BMP8A: variants seen among roughly 807,000 people sequenced by gnomAD.
The protein encoded by BMP8A is bone morphogenetic protein 8a.
In BMP8A, 14 loss-of-function variants were observed where a neutral mutation model predicts 36.8. The ratio of observed to expected loss-of-function variants is 0.38; its 90% CI spans 0.25 to 0.60. The LOEUF (loss-of-function observed/expected upper bound fraction) is 0.60, where lower values mean the gene tolerates loss of function less well. Among genes scored for constraint, BMP8A ranks in the 20% least tolerant of loss-of-function variants. BMP8A has a pLI of 0.63. For synonymous variants in BMP8A, 120 were observed against 237.7 expected (o/e 0.50, Z 4.55); for missense variants, 267 against 551.1 (o/e 0.48, Z 5.16).
intron 1 of BMP8A, among the ~76,000 whole-genome samples, chr1:39,494,661 G>C (rs1479876343): frequency 6.6e-6 from 1 of 152,100 alleles, no homozygotes; most frequent in Non-Finnish European, 1.5e-5. Flanking sequence ...GGCCACGTGT[G>C]AACTTTCACA....
intron 1 of BMP8A, among the ~76,000 whole-genome samples, chr1:39,497,264 T>C (rs547531553): frequency 2.6e-5 from 4 of 152,312 alleles, no homozygotes; most frequent in Admixed American, 2.6e-4. Context: ...CGTGTGCCAT[T>C]TGGGAGCTGT....
intron 1 of BMP8A, among the ~76,000 whole-genome samples, chr1:39,504,980 T>C (rs1444849687): frequency 6.6e-6 from 1 of 152,120 alleles, no homozygotes; most frequent in Non-Finnish European, 1.5e-5. Flanking sequence ...AGCAGTATTG[T>C]CGCCAGCATG....
rs1485882173 is a variant in BMP8A, at chr1:39,526,875, C to A, written c.*1077C>A. ...ATGCCCCCGCAGCCTGCTCCCCTTG[C>A]CCATGGCTCATGTCAGTAATCAACC... On this transcript the variant is annotated 3_prime_UTR_variant, in exon 7 of 7. Coordinates refer to ENST00000331593, the MANE Select transcript of BMP8A (RefSeq NM_181809.4). Among the ~76,000 whole-genome samples, 1 of 152,220 alleles carries A rather than the reference C, an allele frequency of 6.6e-6. No individual in the cohort carries two copies. The highest frequency in any genetic ancestry group is 1.5e-5 in the Non-Finnish European group (1 of 68,026).
At position 39,515,648 on chromosome 1, in the gene BMP8A, C is replaced by T. The variant is rs1459924269; in HGVS notation, c.673+3744C>T. The T allele has an allele frequency of 4.5e-6, 7 of 1,572,610 alleles. No homozygotes were observed. In the African/African-American group the frequency reaches 8.1e-5, roughly 18 times the overall value. Reference sequence around the variant, plus strand: ...TCAGGAGAAGCGCCCGCAATTTCAACGTGCCCATGTGCAAAGCTGCAGACG... The same window carrying T: ...TCAGGAGAAGCGCCCGCAATTTCAATGTGCCCATGTGCAAAGCTGCAGACG... On this transcript the variant is annotated intron_variant, in intron 3 of 6. Transcript: ENST00000331593.
Position 39,525,939 on chromosome 1 carries a change from C to T in BMP8A, c.*141C>T. ...TCGGTGCCTACTTCCTGTCAGGCTT[C>T]TGGTCCTTTCTCGGTACCTCTGTGC... On this transcript the variant is annotated 3_prime_UTR_variant, in exon 7 of 7. Transcript: ENST00000331593. 3 of 1,404,398 alleles carry T rather than the reference C, an allele frequency of 2.1e-6. No homozygotes were observed. In the South Asian group the frequency reaches 4.0e-5, roughly 19 times the overall value. The allele number at this position is 1,404,398 out of a possible 1,614,324, so 87.0% of individuals were successfully genotyped here.
chr1:39,504,520 G>A (rs533720132), intron 1 of BMP8A, among the ~76,000 whole-genome samples: 23 of 152,296 alleles, frequency 1.5e-4, no homozygotes, highest in Admixed American at 1.5e-3. Flanking sequence ...GAGCAGTATT[G>A]CCACCAGCAT....
rs568907985 is a variant in BMP8A, at chr1:39,519,500, C to T, written c.674-1876C>T. ...CATGTTAGCATCTGCAGCTCACAGC[C>T]TCCCTGTCTCAGCAGCTCTTGTCCA... is the stretch of plus-strand genomic sequence containing the variant. On this transcript the variant is annotated intron_variant, in intron 3 of 6. Coordinates refer to ENST00000331593, the MANE Select transcript of BMP8A (RefSeq NM_181809.4). Among the ~76,000 whole-genome samples, 410 of 144,780 alleles carry T rather than the reference C, an allele frequency of 2.8e-3. 4 individuals are homozygous for T. The highest frequency in any genetic ancestry group is 0.027 in the Admixed American group (376 of 14,118). 95.0% of individuals were successfully genotyped at this position (144,780 alleles called of 152,430 possible).
chr1:39,502,825 C>T (rs1192156353), intron 1 of BMP8A, among the ~76,000 whole-genome samples: 1 of 152,332 alleles, frequency 6.6e-6, no homozygotes, highest in African/African-American at 2.4e-5. Context: ...GGGCAGATCA[C>T]CTGAGGTCAG....
chr1:39,496,956 C>G (rs1645210452), intron 1 of BMP8A, among the ~76,000 whole-genome samples: 1 of 152,174 alleles, frequency 6.6e-6, no homozygotes, highest in South Asian at 2.1e-4. Flanking sequence ...CCATTCCTAC[C>G]AGACAATCCT....
rs768653656 is a variant in BMP8A, at chr1:39,524,954, C to T, written c.1060-695C>T. 1 of 152,508 alleles carries T rather than the reference C, an allele frequency of 6.6e-6. No homozygotes were observed. Among genetic ancestry groups the T allele is most frequent in the Non-Finnish European group, 1.5e-5 (1 of 68,260 alleles). 9.4% of individuals were successfully genotyped at this position (152,508 alleles called of 1,614,324 possible). A position where few individuals can be genotyped will look rare whatever the true frequency, so the allele number is the denominator to read the frequency against. On this transcript the variant is annotated intron_variant, in intron 6 of 6. Transcript: ENST00000331593. This position sits in a 1 kb window ranked among gnomAD's most constrained non-coding sequence, Gnocchi z 4.0. ...CGAAAGGAGTCATCCAGGAGGCCTCCCAGGCGGGAGCTATGATGTCAGGGC... is the reference window on the plus strand; with the variant it reads ...CGAAAGGAGTCATCCAGGAGGCCTCTCAGGCGGGAGCTATGATGTCAGGGC...
chr1:39,520,306 AT>A (rs1423453885), intron 3 of BMP8A, among the ~76,000 whole-genome samples: 1 of 150,092 alleles, frequency 6.7e-6, no homozygotes, highest in African/African-American at 2.4e-5. Context: ...TTGTTTTTAT[AT>A]TTTTGTTGAG....
chr1:39,498,154 C>T (rs1470119006), intron 1 of BMP8A, among the ~76,000 whole-genome samples: 1 of 152,256 alleles, frequency 6.6e-6, no homozygotes, highest in Non-Finnish European at 1.5e-5. Context: ...CCTCAGTTTC[C>T]CCATCTCTGC....
At chr1:39,519,704 C>T (rs1645417525) in intron 3 of BMP8A, among the ~76,000 whole-genome samples, 1 of 151,914 alleles carries the variant, frequency 6.6e-6, no homozygotes, top group Non-Finnish European at 1.5e-5. Context: ...GTGGGGCAGG[C>T]AGTGTCCTTG....
In BMP8A at chr1:39,511,151, C is replaced by T. The variant is rs771150449; in HGVS notation, c.335-23C>T. Reference sequence around the variant, plus strand: ...GAGCCCGAGCCATTCTGAGTGCCAGCCCAGCGCTGCTTTGTCTTCTAGTGG... The same window carrying T: ...GAGCCCGAGCCATTCTGAGTGCCAGTCCAGCGCTGCTTTGTCTTCTAGTGG... On this transcript the variant is annotated intron_variant, in intron 1 of 6. Coordinates refer to ENST00000331593, the MANE Select transcript of BMP8A (RefSeq NM_181809.4). 8.4e-6 allele frequency: 9 copies of T among 1,068,066 alleles called. No homozygotes were observed. In the East Asian group the frequency reaches 2.1e-4, roughly 24 times the overall value. The allele number at this position is 1,068,066 out of a possible 1,614,324, so 66.2% of individuals were successfully genotyped here.
At position 39,522,597 on chromosome 1, in the gene BMP8A, C is replaced by A. The variant is rs1645437525; in HGVS notation, c.948+115C>A. 5.4e-6 allele frequency: 7 copies of A among 1,294,724 alleles called. No homozygotes were observed. The East Asian group carries it at 7.5e-5, about 14-fold the overall frequency. 80.2% of individuals were successfully genotyped at this position (1,294,724 alleles called of 1,614,324 possible). The stretch of plus-strand genomic sequence containing the variant: ...CTTCAATTTTCTTATGTATTTTTTT[C>A]TTCTGTGTTTTCCAAGTTTTCTAAA... On this transcript the variant is annotated intron_variant, in intron 5 of 6. Coordinates refer to ENST00000331593, the MANE Select transcript of BMP8A (RefSeq NM_181809.4).
At position 39,523,480 on chromosome 1, in the gene BMP8A, C is replaced by T. The variant is rs1645450871; in HGVS notation, c.1059+363C>T. 1.1e-5 allele frequency: 14 copies of T among 1,289,678 alleles called. No homozygotes were observed. In the South Asian group the frequency reaches 1.5e-4, roughly 14 times the overall value. The allele number at this position is 1,289,678 out of a possible 1,614,324, so 79.9% of individuals were successfully genotyped here. A position where few individuals can be genotyped will look rare whatever the true frequency, so the allele number is the denominator to read the frequency against. On this transcript the variant is annotated intron_variant, in intron 6 of 6. Transcript: ENST00000331593. The stretch of plus-strand genomic sequence containing the variant: ...GTGGGGGCTGTGTGATCTTAACACA[C>T]GGGCCCCCGAGTACGCTGGCAAGTC...
At chr1:39,502,038 G>A (rs1490804401) in intron 1 of BMP8A, among the ~76,000 whole-genome samples, 1 of 151,972 alleles carries the variant, frequency 6.6e-6, no homozygotes, top group African/African-American at 2.4e-5. Context: ...GGGAGTTCAA[G>A]ACCAGCCTGG....
intron 3 of BMP8A, among the ~76,000 whole-genome samples, chr1:39,516,977 T>C (rs1045710350): frequency 2.6e-5 from 4 of 151,664 alleles, no homozygotes; most frequent in African/African-American, 9.7e-5. Flanking sequence ...GTTTTTTCTT[T>C]TTCCTTCTCT....
rs573779106 is a variant in BMP8A at position 39,510,254 on chromosome 1, C to T, written c.335-920C>T. Reference sequence around the variant, plus strand: ...TGTGGGCGCCTCCACCCTGTGCATGCGAGGTCCCCTCTCCCTAGAGCACCC... The same window carrying T: ...TGTGGGCGCCTCCACCCTGTGCATGTGAGGTCCCCTCTCCCTAGAGCACCC... On this transcript the variant is annotated intron_variant, in intron 1 of 6. Transcript: ENST00000331593. Among the ~76,000 whole-genome samples, 32 of 108,248 alleles carry T rather than the reference C, an allele frequency of 3.0e-4. No homozygotes were observed. The South Asian group carries it at 7.9e-3, about 27-fold the overall frequency. 71.0% of individuals were successfully genotyped at this position (108,248 alleles called of 152,430 possible).
Sources: gnomAD v4.1 joint callset for allele counts (sites outside exome capture counted in the v4.1 genomes callset) on GRCh38, gnomAD v4.1.1 for gene constraint, Gnocchi (gnomAD v3.1) non-coding constraint, MANE v1.5 for transcripts, NCBI Gene and HGNC (gene_info 2026-07-23, HGNC 2026-07-21) for gene names.